The following ANO1 variants were observed in gnomAD, a reference collection of about 807,000 sequenced individuals.
The protein encoded by ANO1 is anoctamin 1, also known as anoctamin-1.
In ANO1, 59 loss-of-function variants were observed where a neutral mutation model predicts 124.0. That is an observed-to-expected ratio of 0.48 (90% CI 0.39 to 0.59). ANO1 has a LOEUF of 0.59. ANO1 is among the 20% of genes least tolerant of loss of function. ANO1 has a pLI of 0.00. For missense variants in ANO1, 1,059 were observed against 1,328.0 expected, an observed-to-expected ratio of 0.80 and a Z score of 3.15; for synonymous variants, 529 against 532.0, an observed-to-expected ratio of 0.99 and a Z score of 0.08.
Position 70,182,597 on chromosome 11 carries a change from C to G in ANO1, c.2499C>G (p.His833Gln). 1 of 1,613,800 alleles carries G rather than the reference C, an allele frequency of 6.2e-7. No individual in the cohort carries two copies. Among genetic ancestry groups the G allele is most frequent in the Non-Finnish European group, 8.5e-7 (1 of 1,179,790 alleles). The change falls in exon 24 of 26, where the codon CAC becomes CAG. Residue 833 changes from histidine (H) to glutamine (Q), a missense_variant. By Grantham distance (24) the His-to-Gln change is conservative. Coordinates refer to ENST00000355303, the MANE Select transcript of ANO1 (RefSeq NM_018043.7). ...GGACCATGCACGGCTTCGTCAACCA[C>G]ACCCTCTCCTCCTTCAACGTCAGTG... ...KNGTMHGFVN[H>Q]TLSSFNVSDF...
intron 1 of ANO1, among the ~76,000 whole-genome samples, chr11:70,048,785 A>C (rs1257390677): frequency 6.7e-6 from 1 of 150,328 alleles, no homozygotes. Flanking sequence ...TGCGTGCCGG[A>C]GACCTCTCCA....
intron 3 of ANO1, among the ~76,000 whole-genome samples, 174 bp downstream of exon 3, chr11:70,103,338 C>A (rs12293326): frequency 0.059 from 8,910 of 152,028 alleles, 287 homozygotes; most frequent in Non-Finnish European, 0.065. Context: ...GGCCCCCAGG[C>A]TCTGGGGTCC....
chr11:70,067,316 C>T (rs1031197763), intron 1 of ANO1, among the ~76,000 whole-genome samples: 4 of 141,228 alleles, frequency 2.8e-5, no homozygotes, highest in Non-Finnish European at 6.1e-5. Context: ...GACAAGGAAT[C>T]GTGGGTGTTT....
intron 1 of ANO1, among the ~76,000 whole-genome samples, chr11:70,010,350 A>G (rs1025252901): frequency 2.0e-5 from 3 of 151,484 alleles, no homozygotes; most frequent in Non-Finnish European, 4.4e-5. Context: ...TCCTCTGGGT[A>G]GATACCCAGT....
chr11:70,170,484 C>A (rs912225350), intron 21 of ANO1, among the ~76,000 whole-genome samples: 5 of 152,092 alleles, frequency 3.3e-5, no homozygotes, highest in African/African-American at 9.7e-5. Flanking sequence ...CCCAGCTACC[C>A]GGGAGGCTGA....
intron 9 of ANO1, 22 bp from the exon 10 acceptor site, chr11:70,126,039 C>T: frequency 2.5e-6 from 4 of 1,595,634 alleles, no homozygotes; most frequent in Non-Finnish European, 3.4e-6. Context: ...GGGCTTGACT[C>T]TGCTCTGCTC....
chr11:70,128,823 T>C (rs1020422058), intron 10 of ANO1, among the ~76,000 whole-genome samples: 6 of 152,236 alleles, frequency 3.9e-5, no homozygotes, highest in African/African-American at 1.4e-4. Context: ...AAAAGGCTTC[T>C]TGTTGGGCTG....
chr11:70,124,371 C>A lies in ANO1; in HGVS notation c.919C>A (p.Arg307Ser). 1 of 1,613,842 alleles carries A rather than the reference C, an allele frequency of 6.2e-7. No individual in the cohort carries two copies. The highest frequency in any genetic ancestry group is 8.5e-7 in the Non-Finnish European group (1 of 1,179,880). Residue 307 changes from arginine to serine, a missense_variant, in exon 9 of 26, where the codon CGC becomes AGC. Physicochemically the swap from Arg to Ser is moderately radical, Grantham distance 110. Coordinates refer to ENST00000355303, the MANE Select transcript of ANO1 (RefSeq NM_018043.7). Reference sequence around the variant, plus strand: ...TCAGCTCCTGTACGAAGAGTGGGCACGCTATGGAGTTTTCTATAAGTACCA... The same window carrying A: ...TCAGCTCCTGTACGAAGAGTGGGCAAGCTATGGAGTTTTCTATAAGTACCA... ...DRKLLYEEWARYGVFYKYQPI... is the reference protein window; with the variant it reads ...DRKLLYEEWASYGVFYKYQPI...
intron 2 of ANO1, among the ~76,000 whole-genome samples, chr11:70,101,335 C>T (rs756780421): frequency 6.6e-6 from 1 of 151,602 alleles, no homozygotes; most frequent in Admixed American, 6.6e-5. Context: ...GCAGGCAGAT[C>T]GCCTGAGGTC....
chr11:70,062,273 C>T (rs548793691), intron 1 of ANO1, among the ~76,000 whole-genome samples: 14 of 151,978 alleles, frequency 9.2e-5, no homozygotes, highest in East Asian at 7.8e-4. Flanking sequence ...ATGGGGGTTT[C>T]GCTATGTTGG....
intron 9 of ANO1, 97 bp downstream of exon 9, chr11:70,124,511 C>A: frequency 7.7e-7 from 1 of 1,295,606 alleles, no homozygotes; most frequent in Non-Finnish European, 1.1e-6. Flanking sequence ...TGTTCAGTAC[C>A]CGGGAACGTG....
rs145302600 is a variant in ANO1, at chr11:70,084,091, G to A, written c.109-3661G>A. Among the ~76,000 whole-genome samples, 287 of 152,242 alleles carry A rather than the reference G, an allele frequency of 1.9e-3. 7 individuals are homozygous for A. The East Asian group carries it at 0.044, about 24-fold the overall frequency. ...CCTGGGGGAGGGGGAGAGGAGACTGGGGAAGGCAGTATGGGGAGGAGATGA... is the reference window on the plus strand; with the variant it reads ...CCTGGGGGAGGGGGAGAGGAGACTGAGGAAGGCAGTATGGGGAGGAGATGA... On this transcript the variant is annotated intron_variant, in intron 1 of 25. Transcript: ENST00000355303.
At chr11:70,040,504 C>T (rs1460431698) in intron 1 of ANO1, among the ~76,000 whole-genome samples, 1 of 152,082 alleles carries the variant, frequency 6.6e-6, no homozygotes, top group African/African-American at 2.4e-5. Flanking sequence ...TAGTGAAACC[C>T]GTCACTACTG....
At chr11:70,165,247 C>G (rs2048208576) in intron 19 of ANO1, 2 of 559,576 alleles carry the variant, frequency 3.6e-6, no homozygotes, top group Admixed American at 3.1e-5. Context: ...GATGGGCGCC[C>G]CATCTGAAAA....
chr11:69,970,390 G>A, the ANO1 span, among the ~76,000 whole-genome samples: 5 of 152,214 alleles, frequency 3.3e-5, no homozygotes, highest in Admixed American at 2.6e-4. Context: ...TGACAGCACC[G>A]TGGTGTTCAC....
chr11:70,131,929 T>C lies in ANO1; in HGVS notation c.1108T>C (p.Cys370Arg). 6.2e-7 allele frequency: 1 copy of C among 1,606,710 alleles called. No homozygotes were observed. Among genetic ancestry groups the C allele is most frequent in the Non-Finnish European group, 8.5e-7 (1 of 1,179,524 alleles). The change falls in exon 11 of 26, where the codon TGT (cysteine) becomes CGT (arginine). Residue 370 changes from cysteine (C) to arginine (R), a missense_variant. Coordinates refer to ENST00000355303, the MANE Select transcript of ANO1 (RefSeq NM_018043.7). ...CCCCCTCTCTTGCAGCATGGAGATG[T>C]GTGACCAGAGACACAATATCACCAT... ...MDENIPSMEM[C>R]DQRHNITMCP...
At chr11:70,156,075 A>G in intron 15 of ANO1, 87 bp downstream of exon 15, 1 of 1,121,142 alleles carries the variant, frequency 8.9e-7, no homozygotes, top group Non-Finnish European at 1.2e-6. Context: ...AAACTGTTGT[A>G]TATATTTTTT....
At chr11:70,084,840 G>A (rs2044311933) in intron 1 of ANO1, among the ~76,000 whole-genome samples, 1 of 152,198 alleles carries the variant, frequency 6.6e-6, no homozygotes, top group South Asian at 2.1e-4. Context: ...CAGCACCAGA[G>A]ACAGAGCCCT....
chr11:70,067,081 G>C (rs1419870329), intron 1 of ANO1, among the ~76,000 whole-genome samples: 1 of 152,158 alleles, frequency 6.6e-6, no homozygotes, highest in African/African-American at 2.4e-5. Flanking sequence ...GGTTGTCTAA[G>C]TCTTCCCAAA....
Sources: gnomAD v4.1 joint callset for allele counts (sites outside exome capture counted in the v4.1 genomes callset) on GRCh38, gnomAD v4.1.1 for gene constraint, MANE v1.5 for transcripts, NCBI Gene and HGNC (gene_info 2026-07-23, HGNC 2026-07-21) for gene names.